The following MATR3 variants were observed in gnomAD, a reference collection of about 807,000 sequenced individuals.
The protein encoded by MATR3 is matrin-3.
MATR3 carries 4 observed loss-of-function variants against 85.5 expected under a neutral mutation model. The observed-to-expected ratio is 0.05, with a 90% CI of 0.02 to 0.11. MATR3 has a LOEUF of 0.11. MATR3 is among the 10% of genes least tolerant of loss of function. MATR3 has a pLI of 1.00. For missense variants in MATR3, 685 were observed against 1,016.1 expected, an observed-to-expected ratio of 0.67 and a Z score of 4.43; for synonymous variants, 336 against 343.1, an observed-to-expected ratio of 0.98 and a Z score of 0.23.
At chr5:139,314,510 A>T (rs1017305875) in intron 2 of MATR3, 165 bp from the exon 3 acceptor site, 12 of 636,898 alleles carry the variant, frequency 1.9e-5, no homozygotes, top group Non-Finnish European at 2.6e-5. Context: ...AGCCTCAAGG[A>T]TTCAGAGAAA....
At chr5:139,282,258 A>G (rs1753560252) in intron 3 of MATR3, among the ~76,000 whole-genome samples, 1 of 152,252 alleles carries the variant, frequency 6.6e-6, no homozygotes, top group Non-Finnish European at 1.5e-5. Context: ...CTGAATTAAC[A>G]AATTAACTGT....
At chr5:139,303,366 C>T (rs922440142) in intron 1 of MATR3, among the ~76,000 whole-genome samples, 1 of 152,088 alleles carries the variant, frequency 6.6e-6, no homozygotes, top group Non-Finnish European at 1.5e-5. Flanking sequence ...TCCCAAAGTG[C>T]AGGGATTACA....
chr5:139,305,583 T>C (rs1383264451), intron 1 of MATR3, among the ~76,000 whole-genome samples: 3 of 152,166 alleles, frequency 2.0e-5, no homozygotes, highest in Admixed American at 2.0e-4. Context: ...TTACATAGCA[T>C]CTCAGCCGCC....
In MATR3 at chr5:139,321,834, A is replaced by G. The variant is rs1755589599; in HGVS notation, c.1603-64A>G. On this transcript the variant is annotated intron_variant, in intron 9 of 14. Coordinates refer to ENST00000394805, the MANE Select transcript of MATR3 (RefSeq NM_018834.6). ...TTCTAACCAGTAGGTAGAATACATA[A>G]TAAGGTTTTATACAATTTTGTAAAA... The G allele has an allele frequency of 9.1e-6, 14 of 1,540,124 alleles. No individual in the cohort carries two copies. The South Asian group carries it at 1.4e-4, about 15-fold the overall frequency.
At chr5:139,318,756 G>A in intron 7 of MATR3, 152 bp from the exon 8 acceptor site, 1 of 778,312 alleles carries the variant, frequency 1.3e-6, no homozygotes, top group Admixed American at 2.4e-5. Flanking sequence ...CTTTTGTTTT[G>A]TATTTTGATT....
intron 9 of MATR3, among the ~76,000 whole-genome samples, chr5:139,319,958 T>G (rs1451394958): frequency 6.7e-6 from 1 of 149,316 alleles, no homozygotes. Flanking sequence ...CTTTTTTTTT[T>G]TTTTGAGACA....
At chr5:139,311,908 C>CA (rs1755003247) in intron 2 of MATR3, 1 of 151,786 alleles carries the variant, frequency 6.6e-6, no homozygotes, top group Non-Finnish European at 1.5e-5. Context: ...GCTGGGATTA[C>CA]AGGCATACAT....
At chr5:139,329,316 T>A in intron 14 of MATR3, 29 bp from the exon 15 acceptor site, 1 of 1,553,930 alleles carries the variant, frequency 6.4e-7, no homozygotes, top group East Asian at 2.3e-5. Flanking sequence ...CTTAGGTGAC[T>A]TAATGGCTGT....
rs1756131413 is a variant in MATR3 at position 139,331,206 on chromosome 5, ATC to A, written c.*1816_*1817del. The A allele has an allele frequency of 2.2e-6, 1 of 452,926 alleles. No homozygotes were observed. Among genetic ancestry groups the A allele is most frequent in the South Asian group, 1.6e-5 (1 of 64,480 alleles). 28.1% of individuals were successfully genotyped at this position (452,926 alleles called of 1,614,324 possible). On this transcript the variant is annotated 3_prime_UTR_variant, in exon 15 of 15. Transcript: ENST00000394805. ...TTCAAATAGTTGGCTAAATTTTATG[ATC>A]TCTCCCGTTGAAAAGTAGGTGATGA...
intron 3 of MATR3, chr5:139,283,339 T>C (rs2151881681): frequency 6.6e-6 from 1 of 152,340 alleles, no homozygotes; most frequent in African/African-American, 2.4e-5. Context: ...TCTAGGGTTG[T>C]CTAAACCTGT....
chr5:139,300,339 C>T (rs532971565), intron 1 of MATR3, among the ~76,000 whole-genome samples: 28 of 152,282 alleles, frequency 1.8e-4, no homozygotes, highest in Non-Finnish European at 3.7e-4. Flanking sequence ...CACTCCAGGC[C>T]TGGCAACTGT....
intron 9 of MATR3, among the ~76,000 whole-genome samples, chr5:139,319,887 T>A (rs1755458118): frequency 7.7e-6 from 1 of 129,724 alleles, no homozygotes; most frequent in Admixed American, 7.3e-5. Context: ...TTTTTTTTTT[T>A]TAAAGTATAT....
chr5:139,278,836 T>C (rs1418207111), intron 2 of MATR3: 3 of 517,176 alleles, frequency 5.8e-6, no homozygotes, highest in African/African-American at 3.9e-5. Flanking sequence ...TGTTACACTG[T>C]TGGAAGAGCA....
intron 2 of MATR3, 81 bp from the exon 3 acceptor site, chr5:139,314,594 T>G (rs1755152734): frequency 9.0e-7 from 1 of 1,106,896 alleles, no homozygotes; most frequent in Admixed American, 1.8e-5. Context: ...GCATAGACAT[T>G]AATATCCTAG....
At chr5:139,311,241 A>G (rs1002595139) in intron 2 of MATR3, 3 of 152,006 alleles carry the variant, frequency 2.0e-5, no homozygotes, top group African/African-American at 7.3e-5. Flanking sequence ...GTGCTTCCCA[A>G]ATTCTTTTTT....
chr5:139,281,350 T>G (rs1222798607), intron 3 of MATR3, among the ~76,000 whole-genome samples: 1 of 147,532 alleles, frequency 6.8e-6, no homozygotes, highest in East Asian at 2.0e-4. Flanking sequence ...AGTAGTTTTT[T>G]TTTTTGTTTT....
intron 2 of MATR3, chr5:139,312,080 A>G (rs558480671): frequency 5.3e-5 from 8 of 151,834 alleles, no homozygotes; most frequent in Admixed American, 2.0e-4. Flanking sequence ...AGGCTTCTAA[A>G]TTTTGTGAAC....
At position 139,307,998 on chromosome 5, in the gene MATR3, A is replaced by G. The variant is rs781034288; in HGVS notation, c.583A>G (p.Ser195Gly). ...RRDSFDDRGP[S>G]LNPVLDYDHG... is the part of the protein sequence containing the mutation. The stretch of plus-strand genomic sequence containing the variant: ...AGATAGTTTTGATGATCGTGGTCCT[A>G]GTCTCAACCCAGTGCTTGATTATGA... The change falls in exon 2 of 15, where the codon AGT (serine) becomes GGT (glycine). Residue 195 changes from serine (S) to glycine (G), a missense_variant. Transcript: ENST00000394805. This position sits in a 1 kb window ranked among gnomAD's most constrained non-coding sequence, Gnocchi z 4.4. 3.1e-6 allele frequency: 5 copies of G among 1,614,198 alleles called. No homozygotes were observed. In the Admixed American group the frequency reaches 5.0e-5, roughly 16 times the overall value.
rs949675319 is a variant in MATR3, at chr5:139,331,021, G to T, written c.*1626G>T. On this transcript the variant is annotated 3_prime_UTR_variant, in exon 15 of 15. Coordinates refer to ENST00000394805, the MANE Select transcript of MATR3 (RefSeq NM_018834.6). ...GCCCAGGTTGATCTTGAATTCCTGG[G>T]CCCAAGTGATCTGCTCGCTTCAGCC... 2.6e-5 allele frequency: 12 copies of T among 453,854 alleles called. No individual in the cohort carries two copies. Among genetic ancestry groups the T allele is most frequent in the Non-Finnish European group, 4.9e-5 (11 of 226,786 alleles). 28.1% of individuals were successfully genotyped at this position (453,854 alleles called of 1,614,324 possible). A position where few individuals can be genotyped will look rare whatever the true frequency, so the allele number is the denominator to read the frequency against.
Sources: gnomAD v4.1 joint callset for allele counts (sites outside exome capture counted in the v4.1 genomes callset) on GRCh38, gnomAD v4.1.1 for gene constraint, Gnocchi (gnomAD v3.1) non-coding constraint, MANE v1.5 for transcripts, NCBI Gene and HGNC (gene_info 2026-07-23, HGNC 2026-07-21) for gene names.